Variants in UNC13C observed in about 807,000 individuals in gnomAD.
UNC13C encodes unc-13 homolog C.
In UNC13C, 174 loss-of-function variants were observed where a neutral mutation model predicts 245.4. The ratio of observed to expected loss-of-function variants is 0.71; its 90% CI spans 0.63 to 0.80. UNC13C has a LOEUF of 0.80. Among genes scored for constraint, UNC13C ranks in the 30% least tolerant of loss-of-function variants. The probability of loss-of-function intolerance (pLI) is 0.00; values close to 1 mark genes in which losing one functional copy is unlikely to be tolerated. For synonymous variants in UNC13C, 992 were observed against 895.1 expected, an observed-to-expected ratio of 1.11 and a Z score of -1.93; for missense variants, 2,829 against 2,602.9, an observed-to-expected ratio of 1.09 and a Z score of -1.89.
intron 20 of UNC13C, among the ~76,000 whole-genome samples, chr15:54,495,666 T>C (rs901972902): frequency 2.0e-5 from 3 of 152,006 alleles, no homozygotes; most frequent in Non-Finnish European, 2.9e-5. Flanking sequence ...TAATAGAAAG[T>C]AATATTTTAA....
intron 8 of UNC13C, 72 bp from the exon 9 acceptor site, chr15:54,264,094 CTT>C: frequency 1.4e-6 from 2 of 1,448,428 alleles, no homozygotes; most frequent in Non-Finnish European, 1.9e-6. Context: ...CTTCCTCCTC[CTT>C]TTCCTCCCTC....
intron 17 of UNC13C, among the ~76,000 whole-genome samples, chr15:54,390,108 A>G (rs1409133556): frequency 2.0e-5 from 3 of 152,186 alleles, no homozygotes; most frequent in South Asian, 2.1e-4. Context: ...TCACAATTAC[A>G]TGTTTATTGA....
intron 30 of UNC13C, chr15:54,609,528 C>T (rs1357098158): frequency 6.6e-6 from 1 of 152,080 alleles, no homozygotes; most frequent in Non-Finnish European, 1.5e-5. Flanking sequence ...CTCTAGTTTT[C>T]TGGTTCTTTT....
At chr15:54,542,471 T>C (rs1181412711) in intron 26 of UNC13C, among the ~76,000 whole-genome samples, 1 of 152,174 alleles carries the variant, frequency 6.6e-6, no homozygotes, top group African/African-American at 2.4e-5. Context: ...AGAATGTATA[T>C]TCTGTTGATA....
downstream of UNC13C, chr15:54,632,798 C>G (rs1484648231): frequency 1.3e-5 from 2 of 152,308 alleles, no homozygotes; most frequent in Non-Finnish European, 2.9e-5. Context: ...GTCTTGAACT[C>G]AGGTAGTAAG....
chr15:53,854,073 C>T, the UNC13C span, among the ~76,000 whole-genome samples: 2 of 150,948 alleles, frequency 1.3e-5, no homozygotes, highest in Admixed American at 1.3e-4. Context: ...TTTGCCTGCG[C>T]CTATTTCCTG....
chr15:54,269,802 CT>C (rs566395162), intron 10 of UNC13C, among the ~76,000 whole-genome samples: 49 of 152,168 alleles, frequency 3.2e-4, no homozygotes, highest in Non-Finnish European at 6.8e-4. Flanking sequence ...GCCTGGTTTC[CT>C]TTTGATAGGA....
chr15:54,533,873 T>C (rs779231950), intron 26 of UNC13C, among the ~76,000 whole-genome samples: 3 of 152,144 alleles, frequency 2.0e-5, no homozygotes, highest in Non-Finnish European at 2.9e-5. Context: ...TCGTAAACAG[T>C]GATACTCAAA....
chr15:54,600,665 C>T (rs1899361171), intron 30 of UNC13C, among the ~76,000 whole-genome samples: 1 of 152,060 alleles, frequency 6.6e-6, no homozygotes, highest in African/African-American at 2.4e-5. Context: ...GGATTATTCT[C>T]ACCAATCAGT....
chr15:54,502,430 T>C (rs28592115), intron 22 of UNC13C, among the ~76,000 whole-genome samples: 2,031 of 152,252 alleles, frequency 0.013, 54 homozygotes, highest in African/African-American at 0.046. Context: ...AAGACTAACC[T>C]CCTACTTTTA....
intron 19 of UNC13C, among the ~76,000 whole-genome samples, chr15:54,459,626 A>T (rs1022795667): frequency 1.3e-5 from 2 of 151,934 alleles, no homozygotes; most frequent in African/African-American, 4.8e-5. Context: ...AGATTGAGTT[A>T]ATTTGAAAGC....
chr15:54,016,747 A>G (rs1178400070), intron 2 of UNC13C, among the ~76,000 whole-genome samples: 2 of 152,052 alleles, frequency 1.3e-5, no homozygotes, highest in Non-Finnish European at 2.9e-5. Flanking sequence ...CTCCCTTACC[A>G]TTTATTTTAG....
At chr15:54,011,502 C>T (rs922306763) in intron 1 of UNC13C, among the ~76,000 whole-genome samples, 1 of 152,182 alleles carries the variant, frequency 6.6e-6, no homozygotes, top group Non-Finnish European at 1.5e-5. Flanking sequence ...TACCTGATTG[C>T]AGCTTAACTT....
In UNC13C at chr15:54,568,171, C is replaced by T. The variant is rs558847045; in HGVS notation, c.6106+224C>T. Among the ~76,000 whole-genome samples, 17 of 151,998 alleles carry T rather than the reference C, an allele frequency of 1.1e-4. No homozygotes were observed. The Middle Eastern group carries it at 0.017, about 152-fold the overall frequency. On this transcript the variant is annotated intron_variant, in intron 30 of 32. Transcript: ENST00000260323. The stretch of plus-strand genomic sequence containing the variant: ...CACTAAGATGTATTTAATACTAAAG[C>T]TCTATGGAATGGCTGACTTGTTGGT...
At chr15:54,397,679 G>A (rs2040098113) in intron 18 of UNC13C, among the ~76,000 whole-genome samples, 2 of 151,138 alleles carry the variant, frequency 1.3e-5, no homozygotes, top group Admixed American at 6.6e-5. Flanking sequence ...ATGCATTAAG[G>A]TCTTATTTAA....
At chr15:53,847,086 A>C in the UNC13C span, among the ~76,000 whole-genome samples, 8 of 152,182 alleles carry the variant, frequency 5.3e-5, no homozygotes, top group Admixed American at 1.3e-4. Flanking sequence ...ACAACAACAA[A>C]AAACAACAAA....
chr15:54,300,516 C>G (rs1006045925), intron 13 of UNC13C, 143 bp downstream of exon 13: 2 of 796,228 alleles, frequency 2.5e-6, no homozygotes, highest in African/African-American at 1.7e-5. Context: ...GCTGACTACT[C>G]TCTCTTACAG....
At chr15:54,250,767 T>TCTTTCTTTCTTTCTTTC in intron 8 of UNC13C, among the ~76,000 whole-genome samples, 3 of 135,436 alleles carry the variant, frequency 2.2e-5, no homozygotes, top group African/African-American at 8.4e-5. Flanking sequence ...TTTTTTTTTT[T>TCTTTCTTTCTTTCTTTC]TTTTTTTGAG....
intron 30 of UNC13C, among the ~76,000 whole-genome samples, chr15:54,576,136 G>A (rs1897948075): frequency 2.0e-5 from 3 of 152,172 alleles, no homozygotes; most frequent in Non-Finnish European, 2.9e-5. Flanking sequence ...CTCAAATCCT[G>A]CAAGACCAGT....
Sources: allele counts gnomAD v4.1 joint callset (sites outside exome capture counted in the v4.1 genomes callset), GRCh38; gene constraint gnomAD v4.1.1; transcripts MANE v1.5; gene names NCBI Gene and HGNC (gene_info 2026-07-23, HGNC 2026-07-21).